Variants in NRG1 observed in about 807,000 individuals in gnomAD.
The protein encoded by NRG1 is neuregulin 1.
NRG1 carries 18 observed loss-of-function variants against 63.8 expected under a neutral mutation model. That is an observed-to-expected ratio of 0.28 (90% CI 0.19 to 0.42). NRG1 has a LOEUF of 0.42. Among genes scored for constraint, NRG1 ranks in the 10% least tolerant of loss-of-function variants. The pLI is 1.00. For missense variants in NRG1, 762 were observed against 814.7 expected (o/e 0.94, Z 0.79); for synonymous variants, 302 against 301.3 (o/e 1.00, Z -0.02).
At chr8:32,076,720 TA>T (rs5890619) in intron 1 of NRG1, among the ~76,000 whole-genome samples, 11 of 147,806 alleles carry the variant, frequency 7.4e-5, no homozygotes, top group South Asian at 2.1e-4. Context: ...TGAACTTAAG[TA>T]AAAAAAAAAA....
chr8:32,463,717 T>G (rs1196227096), intron 1 of NRG1, among the ~76,000 whole-genome samples: 1 of 151,752 alleles, frequency 6.6e-6, no homozygotes, highest in Admixed American at 6.6e-5. Context: ...GGCACATGCC[T>G]GTAGTCCCAG....
At chr8:32,028,089 T>A (rs1052754228) in intron 1 of NRG1, among the ~76,000 whole-genome samples, 2 of 152,230 alleles carry the variant, frequency 1.3e-5, no homozygotes, top group East Asian at 3.8e-4. Context: ...TCTAACATTT[T>A]AAAAATATAA....
intron 1 of NRG1, among the ~76,000 whole-genome samples, chr8:31,670,015 G>A (rs1004899062): frequency 3.9e-5 from 6 of 152,116 alleles, no homozygotes; most frequent in Non-Finnish European, 8.8e-5. Flanking sequence ...AGGAGTCTTG[G>A]TACAACATGT....
intron 1 of NRG1, among the ~76,000 whole-genome samples, chr8:32,196,462 A>T (rs886150304): frequency 8.5e-5 from 13 of 152,190 alleles, no homozygotes; most frequent in Non-Finnish European, 8.8e-5. Flanking sequence ...ACTCAGAATA[A>T]CTGATGGCAA....
intron 1 of NRG1, among the ~76,000 whole-genome samples, chr8:32,206,000 A>G (rs1844023761): frequency 6.6e-6 from 1 of 151,942 alleles, no homozygotes. Flanking sequence ...CCAGCTAGTC[A>G]GGAGGCTGAG....
intron 1 of NRG1, among the ~76,000 whole-genome samples, chr8:31,939,889 C>T (rs1801496672): frequency 6.6e-6 from 1 of 152,044 alleles, no homozygotes; most frequent in Non-Finnish European, 1.5e-5. Flanking sequence ...TATATAAGCA[C>T]CTAACACTGG....
chr8:32,090,248 G>A (rs1828908123), intron 1 of NRG1, among the ~76,000 whole-genome samples: 2 of 152,270 alleles, frequency 1.3e-5, no homozygotes, highest in South Asian at 4.2e-4. Context: ...ACAGTATTCT[G>A]TGCAAATCTT....
At chr8:31,821,940 T>A (rs1238324673) in intron 1 of NRG1, among the ~76,000 whole-genome samples, 2 of 152,216 alleles carry the variant, frequency 1.3e-5, no homozygotes, top group African/African-American at 4.8e-5. Flanking sequence ...CTTTTTATAT[T>A]TATTCCAAGT....
At chr8:32,295,955 AAGAG>A (rs1008114143) in intron 1 of NRG1, among the ~76,000 whole-genome samples, 5 of 135,826 alleles carry the variant, frequency 3.7e-5, no homozygotes, top group Admixed American at 2.2e-4. Context: ...AAAAAAAAAA[AAGAG>A]AGAGAGAGAG....
At chr8:31,696,556 G>A (rs1810084730) in intron 1 of NRG1, among the ~76,000 whole-genome samples, 1 of 152,228 alleles carries the variant, frequency 6.6e-6, no homozygotes, top group Non-Finnish European at 1.5e-5. Flanking sequence ...GATACTAGGG[G>A]AGAAAGAGGG....
chr8:32,112,411 G>A (rs899929308), intron 1 of NRG1, among the ~76,000 whole-genome samples: 1 of 152,220 alleles, frequency 6.6e-6, no homozygotes, highest in African/African-American at 2.4e-5. Context: ...GCAGAAGTCA[G>A]CACCAGCAAC....
chr8:32,726,174 A>C (rs537863381), intron 5 of NRG1, among the ~76,000 whole-genome samples: 1 of 152,310 alleles, frequency 6.6e-6, no homozygotes, highest in African/African-American at 2.4e-5. Flanking sequence ...ATCCTTAGGA[A>C]TAAAGTTCTC....
intron 1 of NRG1, among the ~76,000 whole-genome samples, chr8:31,967,139 C>G (rs1227592542): frequency 6.6e-6 from 1 of 151,932 alleles, no homozygotes; most frequent in African/African-American, 2.4e-5. Context: ...GTACTTTACA[C>G]AAAGAAAAGC....
intron 1 of NRG1, among the ~76,000 whole-genome samples, chr8:31,936,217 T>C (rs954701308): frequency 2.0e-5 from 3 of 152,206 alleles, no homozygotes; most frequent in Non-Finnish European, 4.4e-5. Context: ...TCTATTTAAG[T>C]ATTAAGTATA....
chr8:32,189,638 G>T (rs1431414334), intron 1 of NRG1, among the ~76,000 whole-genome samples: 2 of 152,124 alleles, frequency 1.3e-5, no homozygotes, highest in Non-Finnish European at 2.9e-5. Flanking sequence ...TCAGGGTGGG[G>T]CTGCCCAAAG....
intron 1 of NRG1, among the ~76,000 whole-genome samples, chr8:32,076,996 T>C (rs574953237): frequency 6.6e-6 from 1 of 152,342 alleles, no homozygotes; most frequent in South Asian, 2.1e-4. Flanking sequence ...CCCAGGCTTC[T>C]GACTCTATTT....
rs545838945 is a variant in NRG1 at position 32,559,245 on chromosome 8, T to TAAAAAAAAAA, written c.100+10428_100+10437dup. On this transcript the variant is annotated intron_variant, in intron 1 of 11. Coordinates refer to ENST00000356819, the Ensembl canonical transcript of NRG1. ...TAGTATGTCATCTCACTCTAAAATG[T>TAAAAAAAAAA]AAAAAAAAAAAAAAAAAATCACTAC... Among the ~76,000 whole-genome samples, 90 of 96,748 alleles carry TAAAAAAAAAA rather than the reference T, an allele frequency of 9.3e-4. 13 individuals are homozygous for TAAAAAAAAAA. The East Asian group carries it at 0.012, about 13-fold the overall frequency. The allele number at this position is 96,748 out of a possible 152,430, so 63.5% of individuals were successfully genotyped here. A position where few individuals can be genotyped will look rare whatever the true frequency, so the allele number is the denominator to read the frequency against.
chr8:32,527,689 A>G (rs1207744530), intron 1 of NRG1, among the ~76,000 whole-genome samples: 4 of 152,174 alleles, frequency 2.6e-5, no homozygotes, highest in African/African-American at 7.2e-5. Flanking sequence ...ATCTCAAATG[A>G]CAACTTAATG....
intron 1 of NRG1, among the ~76,000 whole-genome samples, chr8:32,320,952 C>T (rs7840563): frequency 6.6e-6 from 1 of 152,064 alleles, no homozygotes; most frequent in Non-Finnish European, 1.5e-5. Context: ...TCAATTTCCT[C>T]CCTAAAAGTT....
Sources: gnomAD v4.1 joint callset for allele counts (sites outside exome capture counted in the v4.1 genomes callset) on GRCh38, gnomAD v4.1.1 for gene constraint, MANE v1.5 for transcripts, NCBI Gene and HGNC (gene_info 2026-07-23, HGNC 2026-07-21) for gene names.